Variants in DYNC2I1 observed in about 807,000 individuals in gnomAD.
DYNC2I1 encodes the protein dynein 2 intermediate chain 1, also known as cytoplasmic dynein 2 intermediate chain 1.
In DYNC2I1, 89 loss-of-function variants were observed where a neutral mutation model predicts 133.4. The observed-to-expected ratio is 0.67, with a 90% CI of 0.56 to 0.80. The LOEUF is 0.80. Ranked by LOEUF, DYNC2I1 falls within the 30% of genes least tolerant of loss-of-function variation. The pLI is 0.00. For synonymous variants in DYNC2I1, 504 were observed against 484.3 expected (o/e 1.04, Z -0.54); for missense variants, 1,291 against 1,314.5 (o/e 0.98, Z 0.28).
rs559750350 is a variant in DYNC2I1, at chr7:158,937,127, CTG to C, written c.2778+2581_2778+2582del. Among the ~76,000 whole-genome samples the C allele has an allele frequency of 3.9e-3, 591 of 152,280 alleles. 3 individuals are homozygous for C. The highest frequency in any genetic ancestry group is 0.01 in the Middle Eastern group (3 of 294). On this transcript the variant is annotated intron_variant, in intron 23 of 24. Coordinates refer to ENST00000407559, the MANE Select transcript of DYNC2I1 (RefSeq NM_018051.5). ...TCAGAAGAGCAATTTTAAGGAAACT[CTG>C]TGATCTCCAAGACAACACAGAAAAG...
At chr7:158,955,967 A>G (rs1852187519) in intron 4 of DYNC2I1, among the ~76,000 whole-genome samples, 1 of 152,234 alleles carries the variant, frequency 6.6e-6, no homozygotes, top group African/African-American at 2.4e-5. Flanking sequence ...CCTCGCCTCT[A>G]AACTGTCTTG....
At chr7:158,890,059 G>A (rs1845052385) in intron 7 of DYNC2I1, among the ~76,000 whole-genome samples, 1 of 150,738 alleles carries the variant, frequency 6.6e-6, no homozygotes, top group Admixed American at 6.6e-5. Context: ...TGTTGCCCAG[G>A]CTGGTCTCGA....
At chr7:158,905,916 T>C (rs1195147695) in intron 10 of DYNC2I1, 73 bp from the exon 11 acceptor site, 1 of 1,168,448 alleles carries the variant, frequency 8.6e-7, no homozygotes, top group Non-Finnish European at 1.2e-6. Flanking sequence ...TATAATTGTT[T>C]TACTCCAGAT....
At chr7:158,935,186 C>T (rs569841379) in intron 23 of DYNC2I1, among the ~76,000 whole-genome samples, 16 of 152,144 alleles carry the variant, frequency 1.1e-4, no homozygotes, top group East Asian at 9.6e-4. Flanking sequence ...CAGGGATGGC[C>T]GTCGGGCAGG....
At chr7:158,848,797 G>A in the DYNC2I1 span, among the ~76,000 whole-genome samples, 474 of 152,210 alleles carry the variant, frequency 3.1e-3, 2 homozygotes, top group African/African-American at 0.01. Context: ...GGTGGCAGGC[G>A]CCTGTAGTCC....
rs1851079052 is a variant in DYNC2I1 at position 158,939,170 on chromosome 7, C to CT, written c.2779-2754dup. On this transcript the variant is annotated intron_variant, in intron 23 of 24. Transcript: ENST00000407559. ...TAGGGCTGGGTGCTGGGGCTTATGC[C>CT]TATAATCCCAGCACTTTGGGAGGCT... 3.9e-5 allele frequency among the ~76,000 whole-genome samples: 6 copies of CT among 152,044 alleles called. No homozygotes were observed. The South Asian group carries it at 1.2e-3, about 32-fold the overall frequency.
chr7:158,910,132 A>G (rs1847248363), intron 11 of DYNC2I1, among the ~76,000 whole-genome samples: 1 of 152,274 alleles, frequency 6.6e-6, no homozygotes, highest in Non-Finnish European at 1.5e-5. Context: ...GTAACAAACA[A>G]ATATCTTAAG....
intron 8 of DYNC2I1, among the ~76,000 whole-genome samples, chr7:158,894,993 G>T (rs1265142135): frequency 2.0e-5 from 3 of 152,144 alleles, no homozygotes; most frequent in Admixed American, 1.3e-4. Context: ...TGTCTGTTAA[G>T]ATCTTTGGCC....
At chr7:158,941,172 A>G (rs1851322104) in intron 23 of DYNC2I1, among the ~76,000 whole-genome samples, 1 of 152,226 alleles carries the variant, frequency 6.6e-6, no homozygotes, top group African/African-American at 2.4e-5. Flanking sequence ...AATACAAATA[A>G]TCATTAGAGA....
intron 23 of DYNC2I1, among the ~76,000 whole-genome samples, chr7:158,941,457 A>C (rs1159693640): frequency 1.3e-5 from 2 of 152,228 alleles, no homozygotes; most frequent in African/African-American, 4.8e-5. Flanking sequence ...TCACCTTTGT[A>C]ATTTGTGAGG....
At chr7:158,918,926 A>G in intron 15 of DYNC2I1, 57 bp downstream of exon 15, 1 of 1,557,290 alleles carries the variant, frequency 6.4e-7, no homozygotes, top group Non-Finnish European at 8.8e-7. Context: ...TTCATGTTGA[A>G]ATAATACTCT....
intron 24 of DYNC2I1, 42 bp downstream of exon 24, chr7:158,942,190 G>C: frequency 6.8e-7 from 1 of 1,472,412 alleles, no homozygotes. Flanking sequence ...TTGTGGGGGG[G>C]CTTCGGCCAC....
chr7:158,947,381 A>G (rs1434261346), downstream of DYNC2I1, among the ~76,000 whole-genome samples: 1 of 152,260 alleles, frequency 6.6e-6, no homozygotes, highest in East Asian at 1.9e-4. Context: ...TCTTAGCCTC[A>G]GATTCCATCT....
chr7:158,877,143 C>T (rs1016538049), intron 4 of DYNC2I1, among the ~76,000 whole-genome samples: 3 of 152,178 alleles, frequency 2.0e-5, no homozygotes, highest in Non-Finnish European at 2.9e-5. Flanking sequence ...TGGTGTTTCG[C>T]GGTGCGGGTG....
Position 158,878,941 on chromosome 7 carries a change from G to A in DYNC2I1, c.574-743G>A, listed in dbSNP as rs145247009. On this transcript the variant is annotated intron_variant, in intron 4 of 24. Coordinates refer to ENST00000407559, the MANE Select transcript of DYNC2I1 (RefSeq NM_018051.5). ...AGTGCTGGGTGCCATGTGGGGAGGC[G>A]AGGAGGGGAGGCCAGGAGGACTGAC... Among the ~76,000 whole-genome samples, 158 of 124,156 alleles carry A rather than the reference G, an allele frequency of 1.3e-3. No individual in the cohort carries two copies. In the East Asian group the frequency reaches 0.021, roughly 17 times the overall value. 81.5% of individuals were successfully genotyped at this position (124,156 alleles called of 152,430 possible). A position where few individuals can be genotyped will look rare whatever the true frequency, so the allele number is the denominator to read the frequency against.
chr7:158,912,074 A>T (rs952654266), intron 12 of DYNC2I1, among the ~76,000 whole-genome samples: 2 of 152,288 alleles, frequency 1.3e-5, no homozygotes, highest in East Asian at 3.9e-4. Context: ...TCCTGGGTTC[A>T]AGTGATTCTC....
In DYNC2I1 at chr7:158,891,190, G is replaced by C. The variant is rs12674435; in HGVS notation, c.991-75G>C. The C allele has an allele frequency of 3.3e-4, 494 of 1,509,640 alleles. 4 individuals carry two copies. In the East Asian group the frequency reaches 9.5e-3, roughly 29 times the overall value. The allele number at this position is 1,509,640 out of a possible 1,614,324, so 93.5% of individuals were successfully genotyped here. The stretch of plus-strand genomic sequence containing the variant: ...CTGGCGGGCTCCGCAGTGGTGGGGT[G>C]GGGGGGAGCTGCGTGGCGTGTGCCC... On this transcript the variant is annotated intron_variant, in intron 7 of 24. Coordinates refer to ENST00000407559, the MANE Select transcript of DYNC2I1 (RefSeq NM_018051.5).
At chr7:158,954,032 C>T (rs1315574115) in intron 4 of DYNC2I1, among the ~76,000 whole-genome samples, 8 of 152,224 alleles carry the variant, frequency 5.3e-5, no homozygotes, top group Non-Finnish European at 1.0e-4. Context: ...GTAACTGAAT[C>T]GTGGGGGCAG....
chr7:158,916,683 G>T (rs1387119285), intron 14 of DYNC2I1, among the ~76,000 whole-genome samples: 4 of 75,534 alleles, frequency 5.3e-5, no homozygotes, highest in Admixed American at 1.2e-4. Flanking sequence ...CACGGTGGTT[G>T]AGATTAAGGA....
Sources: allele counts gnomAD v4.1 joint callset (sites outside exome capture counted in the v4.1 genomes callset), GRCh38; gene constraint gnomAD v4.1.1; transcripts MANE v1.5; gene names NCBI Gene and HGNC (gene_info 2026-07-23, HGNC 2026-07-21).